Variants in NELL2 observed in about 807,000 individuals in gnomAD.
NELL2 encodes neural EGFL like 2, also known as protein kinase C-binding protein NELL2.
In NELL2, 41 loss-of-function variants were observed where a neutral mutation model predicts 109.6. The ratio of observed to expected loss-of-function variants is 0.37; its 90% CI spans 0.29 to 0.49. The LOEUF (loss-of-function observed/expected upper bound fraction) is 0.49. Ranked by LOEUF, NELL2 falls within the 20% of genes least tolerant of loss-of-function variation. NELL2 has a pLI of 0.98. For synonymous variants in NELL2, 355 were observed against 344.7 expected (o/e 1.03, Z -0.33); for missense variants, 900 against 1,008.3 (o/e 0.89, Z 1.45).
At chr12:44,724,133 A>G (rs1200453948) in intron 9 of NELL2, among the ~76,000 whole-genome samples, 6 of 151,876 alleles carry the variant, frequency 4.0e-5, no homozygotes, top group Non-Finnish European at 7.4e-5. Flanking sequence ...AGACAACCTA[A>G]CACGAGATCA....
intron 12 of NELL2, among the ~76,000 whole-genome samples, chr12:44,693,856 G>T (rs1279344300): frequency 1.3e-5 from 2 of 152,114 alleles, no homozygotes; most frequent in East Asian, 3.9e-4. Flanking sequence ...TATTTCCTCA[G>T]TATTGTAAAT....
chr12:44,694,576 GA>G (rs1398521526), intron 12 of NELL2, among the ~76,000 whole-genome samples: 1 of 147,886 alleles, frequency 6.8e-6, no homozygotes, highest in African/African-American at 2.5e-5. Context: ...TTTTTCTGGA[GA>G]ACCCTGACTA....
intron 9 of NELL2, among the ~76,000 whole-genome samples, chr12:44,758,950 T>C (rs1941007586): frequency 1.3e-5 from 2 of 152,182 alleles, no homozygotes; most frequent in African/African-American, 2.4e-5. Context: ...ATGTATTGCT[T>C]GAACATAGAT....
chr12:44,611,140 G>C (rs1945607874), intron 13 of NELL2, among the ~76,000 whole-genome samples, 170 bp from the exon 14 acceptor site: 2 of 151,972 alleles, frequency 1.3e-5, no homozygotes, highest in African/African-American at 4.8e-5. Flanking sequence ...TCTTCTTGAT[G>C]TACATACAAG....
intron 2 of NELL2, 100 bp from the exon 3 acceptor site, chr12:44,816,236 G>GCTGC: frequency 2.1e-5 from 21 of 1,012,114 alleles, no homozygotes; most frequent in African/African-American, 3.3e-5. Flanking sequence ...AAGTTTATCA[G>GCTGC]TAGCAGCTGA....
intron 15 of NELL2, among the ~76,000 whole-genome samples, chr12:44,592,172 T>C (rs569808858): frequency 7.2e-5 from 11 of 152,284 alleles, no homozygotes; most frequent in East Asian, 1.9e-4. Context: ...TCCCTAAGCA[T>C]TGGTTTTAAA....
chr12:44,518,963 G>A (rs372813798), intron 19 of NELL2, among the ~76,000 whole-genome samples: 3 of 152,284 alleles, frequency 2.0e-5, no homozygotes, highest in South Asian at 4.1e-4. Flanking sequence ...TGCATTGATT[G>A]AAAGAACTAG....
chr12:44,867,982 T>C (rs1245641210), intron 2 of NELL2, among the ~76,000 whole-genome samples: 2 of 151,742 alleles, frequency 1.3e-5, no homozygotes, highest in Non-Finnish European at 2.9e-5. Flanking sequence ...TAGCCGGGTG[T>C]AGTGACGGGT....
intron 13 of NELL2, among the ~76,000 whole-genome samples, chr12:44,648,709 TC>T (rs1380381458): frequency 1.1e-4 from 15 of 131,326 alleles, no homozygotes; most frequent in African/African-American, 3.2e-4. Flanking sequence ...AACAATGCCA[TC>T]ATATATATAT....
At chr12:44,793,919 T>G (rs78046205) in intron 3 of NELL2, among the ~76,000 whole-genome samples, 1 of 152,136 alleles carries the variant, frequency 6.6e-6, no homozygotes. Flanking sequence ...ATGATAATTG[T>G]ATAGTTGTAA....
At chr12:44,804,706 C>T (rs892485650) in intron 3 of NELL2, among the ~76,000 whole-genome samples, 2 of 151,588 alleles carry the variant, frequency 1.3e-5, no homozygotes, top group Non-Finnish European at 3.0e-5. Context: ...TATTGTAATG[C>T]CAAAGAATTA....
intron 15 of NELL2, among the ~76,000 whole-genome samples, chr12:44,568,369 T>C (rs1772273864): frequency 6.6e-6 from 1 of 152,172 alleles, no homozygotes; most frequent in African/African-American, 2.4e-5. Flanking sequence ...AATTAGGCTA[T>C]TCCCATATTG....
chr12:44,824,830 C>T (rs1377076221), intron 2 of NELL2, among the ~76,000 whole-genome samples: 12 of 151,402 alleles, frequency 7.9e-5, no homozygotes, highest in South Asian at 4.2e-4. Flanking sequence ...CCTGCCTCAG[C>T]CTCCCAAGTA....
intron 15 of NELL2, among the ~76,000 whole-genome samples, chr12:44,557,018 C>A (rs956567112): frequency 1.1e-4 from 17 of 152,256 alleles, no homozygotes; most frequent in African/African-American, 4.1e-4. Flanking sequence ...TGGAGATGAA[C>A]AAGCTTTTGA....
intron 13 of NELL2, among the ~76,000 whole-genome samples, chr12:44,644,610 A>ATG (rs1555190892): frequency 0.066 from 5,406 of 82,426 alleles, 133 homozygotes; most frequent in East Asian, 0.11. Context: ...ATATGTATGT[A>ATG]TATATATATA....
intron 13 of NELL2, among the ~76,000 whole-genome samples, chr12:44,622,414 T>C (rs1946093473): frequency 6.6e-6 from 1 of 152,130 alleles, no homozygotes; most frequent in Non-Finnish European, 1.5e-5. Flanking sequence ...AAATCTCTGC[T>C]GGAGAGAAAT....
chr12:44,663,636 T>C (rs992340472), intron 13 of NELL2, among the ~76,000 whole-genome samples: 20 of 152,166 alleles, frequency 1.3e-4, no homozygotes, highest in African/African-American at 4.8e-4. Context: ...TCCTCCCAAG[T>C]AGTCAAAAAC....
chr12:44,670,183 G>T (rs1262479256), intron 12 of NELL2, among the ~76,000 whole-genome samples: 1 of 152,094 alleles, frequency 6.6e-6, no homozygotes, highest in Non-Finnish European at 1.5e-5. Flanking sequence ...TTCTTTCTCA[G>T]ATGAGAAAAT....
intron 1 of NELL2, among the ~76,000 whole-genome samples, chr12:44,882,561 T>C (rs1382337526): frequency 6.6e-6 from 1 of 151,594 alleles, no homozygotes; most frequent in Non-Finnish European, 1.5e-5. Context: ...GGAGTCTCAC[T>C]CTGTCACTCA....
Sources: allele counts gnomAD v4.1 joint callset (sites outside exome capture counted in the v4.1 genomes callset), GRCh38; gene constraint gnomAD v4.1.1; transcripts MANE v1.5; gene names NCBI Gene and HGNC (gene_info 2026-07-23, HGNC 2026-07-21).